The following GOLGB1 variants were observed in gnomAD, a reference collection of about 807,000 sequenced individuals.
GOLGB1 encodes golgin B1.
GOLGB1 carries 174 observed loss-of-function variants against 336.9 expected under a neutral mutation model. The ratio of observed to expected loss-of-function variants is 0.52; its 90% CI spans 0.46 to 0.59. GOLGB1 has a LOEUF of 0.59. Among genes scored for constraint, GOLGB1 ranks in the 20% least tolerant of loss-of-function variants. The probability of loss-of-function intolerance (pLI) is 0.00; values close to 1 mark genes in which losing one functional copy is unlikely to be tolerated. For synonymous variants in GOLGB1, 1,208 were observed against 1,289.2 expected (o/e 0.94, Z 1.35); for missense variants, 3,331 against 3,645.3 (o/e 0.91, Z 2.22).
Position 121,698,936 on chromosome 3 carries a change from T to A in GOLGB1, c.1594-7A>T, listed in dbSNP as rs1473885597. Reference sequence around the variant, plus strand: ...CAATATCAACAATGCTGATCTATTTTTAAAAAAGAAAAAAAAAGCTGTAAT... The same window carrying A: ...CAATATCAACAATGCTGATCTATTTATAAAAAAGAAAAAAAAAGCTGTAAT... On this transcript the variant is annotated splice_polypyrimidine_tract_variant and splice_region_variant and intron_variant, in intron 12 of 21. Transcript: ENST00000614479. 2.0e-6 allele frequency: 3 copies of A among 1,507,514 alleles called. No individual in the cohort carries two copies. The highest frequency in any genetic ancestry group is 2.7e-6 in the Non-Finnish European group (3 of 1,127,492). The allele number at this position is 1,507,514 out of a possible 1,614,324, so 93.4% of individuals were successfully genotyped here.
chr3:121,679,785 C>A lies in GOLGB1; in HGVS notation c.8873+1902G>T, dbSNP rs554733203. Among the ~76,000 whole-genome samples the A allele has an allele frequency of 1.4e-4, 21 of 152,252 alleles. No homozygotes were observed. In the South Asian group the frequency reaches 4.4e-3, roughly 32 times the overall value. On this transcript the variant is annotated intron_variant, in intron 15 of 21. Transcript: ENST00000614479. ...CTAGTGCTAAGAAGGTGCCTCTCTC[C>A]GACTGCCCCTCCTCCCCCACTCCCA...
intron 10 of GOLGB1, among the ~76,000 whole-genome samples, chr3:121,710,250 C>T (rs899389627): frequency 7.9e-5 from 12 of 151,544 alleles, no homozygotes; most frequent in African/African-American, 1.7e-4. Context: ...TTTCAAAAAC[C>T]GAAATAATAC....
chr3:121,712,918 C>T (rs1261553661), intron 10 of GOLGB1, among the ~76,000 whole-genome samples: 1 of 152,130 alleles, frequency 6.6e-6, no homozygotes, highest in African/African-American at 2.4e-5. Context: ...AATCCCAGCA[C>T]TTTGGGAGGC....
intron 1 of GOLGB1, among the ~76,000 whole-genome samples, chr3:121,748,263 C>G (rs1389990360): frequency 6.6e-6 from 1 of 152,124 alleles, no homozygotes; most frequent in East Asian, 1.9e-4. Context: ...AAACTTCATT[C>G]TTTTACGTTT....
At chr3:121,737,090 T>C (rs1449240506) in intron 1 of GOLGB1, among the ~76,000 whole-genome samples, 1 of 152,220 alleles carries the variant, frequency 6.6e-6, no homozygotes, top group African/African-American at 2.4e-5. Context: ...CATTAGAGGA[T>C]GCTTTGTGTA....
At chr3:121,729,062 AAAAAAAC>A (rs1280754734) in intron 4 of GOLGB1, 119 bp downstream of exon 4, 1 of 645,354 alleles carries the variant, frequency 1.5e-6, no homozygotes, top group Non-Finnish European at 2.6e-6. Context: ...TATAAGAAAA[AAAAAAAC>A]AAAACATTAT....
At chr3:121,745,694 G>A (rs1311625188) in intron 1 of GOLGB1, among the ~76,000 whole-genome samples, 1 of 152,112 alleles carries the variant, frequency 6.6e-6, no homozygotes. Flanking sequence ...CCAAAATAAT[G>A]AATAGCAACT....
chr3:121,740,350 CA>C (rs1452379201), intron 1 of GOLGB1, among the ~76,000 whole-genome samples: 1 of 152,120 alleles, frequency 6.6e-6, no homozygotes, highest in Non-Finnish European at 1.5e-5. Context: ...TTATTTCCTA[CA>C]ACTGCATGTG....
intron 10 of GOLGB1, among the ~76,000 whole-genome samples, chr3:121,713,958 G>A (rs750121420): frequency 3.7e-4 from 57 of 152,290 alleles, no homozygotes; most frequent in African/African-American, 8.7e-4. Flanking sequence ...TAAAGCAAAC[G>A]TGCTAAAATG....
chr3:121,676,042 T>C (rs1940328831), intron 17 of GOLGB1, among the ~76,000 whole-genome samples: 1 of 152,214 alleles, frequency 6.6e-6, no homozygotes, highest in Admixed American at 6.5e-5. Flanking sequence ...CAGACAAATC[T>C]ACCAATAAAG....
At chr3:121,708,870 A>G (rs1049435366) in intron 10 of GOLGB1, among the ~76,000 whole-genome samples, 4 of 152,206 alleles carry the variant, frequency 2.6e-5, no homozygotes, top group African/African-American at 9.6e-5. Context: ...CCTAAATCCA[A>G]TCACATCAAT....
chr3:121,677,485 A>ATTTT, intron 15 of GOLGB1, 35 bp from the exon 16 acceptor site: 1 of 1,488,102 alleles, frequency 6.7e-7, no homozygotes, highest in Non-Finnish European at 9.4e-7. Context: ...AGGTAAAAAT[A>ATTTT]TACTTGTAAC....
intron 5 of GOLGB1, 104 bp from the exon 6 acceptor site, chr3:121,722,482 A>C: frequency 3.2e-6 from 2 of 633,814 alleles, no homozygotes; most frequent in Non-Finnish European, 5.6e-6. Context: ...AATGCCTACC[A>C]TATTTCCTTC....
chr3:121,691,722 C>T lies in GOLGB1; in HGVS notation c.7642G>A (p.Val2548Met). Residue 2548 changes from valine (V) to methionine (M), a missense_variant, in exon 14 of 22, where the codon GTG (valine) becomes ATG (methionine). By Grantham distance (21) the Val-to-Met change is conservative. Transcript: ENST00000614479. ...LIQYREDLNQ[V>M]ITIKDSQQKQ... is the part of the protein sequence containing the mutation. Reference sequence around the variant, plus strand: ...TGTTGGCTGTCCTTTATTGTTATCACTTGGTTCAGGTCTTCTCTATATTGG... The same window carrying T: ...TGTTGGCTGTCCTTTATTGTTATCATTTGGTTCAGGTCTTCTCTATATTGG... 1 of 1,613,032 alleles carries T rather than the reference C, an allele frequency of 6.2e-7. No individual in the cohort carries two copies. Among genetic ancestry groups the T allele is most frequent in the Middle Eastern group, 1.6e-4 (1 of 6,062 alleles).
intron 3 of GOLGB1, 30 bp downstream of exon 3, chr3:121,729,827 ATCAAATGC>A: frequency 1.3e-6 from 2 of 1,516,430 alleles, no homozygotes; most frequent in Non-Finnish European, 1.8e-6. Flanking sequence ...TCTGTCCTTT[ATCAAATGC>A]TCCACAAGAA....
intron 17 of GOLGB1, among the ~76,000 whole-genome samples, chr3:121,671,752 C>T (rs954890133): frequency 6.6e-6 from 1 of 152,152 alleles, no homozygotes; most frequent in African/African-American, 2.4e-5. Context: ...TTCTATCAAA[C>T]CATGTATTTG....
rs2107814731 is a variant in GOLGB1 at position 121,694,402 on chromosome 3, T to C, written c.6121A>G (p.Ser2041Gly). 1 of 1,613,038 alleles carries C rather than the reference T, an allele frequency of 6.2e-7. No homozygotes were observed. Among genetic ancestry groups the C allele is most frequent in the East Asian group, 2.2e-5 (1 of 44,872 alleles). The part of the protein sequence containing the change: ...KDCIRYQEKI[S>G]ALERTVKALE... ...GCTTTAACAGTTCTCTCCAGAGCAC[T>C]AATTTTCTCTTGATACCTGATGCAG... The change falls in exon 13 of 22, where the codon AGT becomes GGT. Residue 2041 changes from serine to glycine, a missense_variant. By Grantham distance (56) the Ser-to-Gly change is moderately conservative. Coordinates refer to ENST00000614479, the MANE Select transcript of GOLGB1 (RefSeq NM_001366282.2).
chr3:121,685,585 T>C (rs1941637144), intron 14 of GOLGB1, among the ~76,000 whole-genome samples: 2 of 151,504 alleles, frequency 1.3e-5, no homozygotes, highest in African/African-American at 4.9e-5. Flanking sequence ...AAAAAGTGCA[T>C]ACACTAACAG....
At position 121,692,320 on chromosome 3, in the gene GOLGB1, C is replaced by T. The variant is rs1241151841; in HGVS notation, c.7044G>A (p.Arg2348=). Residue 2348 remains arginine (R), a synonymous_variant, in exon 14 of 22, where the codon AGG becomes AGA. Transcript: ENST00000614479. Reference sequence around the variant, plus strand: ...AATTTTGAATATCAGCCTCTTGCTGCCTTATGATCCCTTCCAAGTTTCCTT... The same window carrying T: ...AATTTTGAATATCAGCCTCTTGCTGTCTTATGATCCCTTCCAAGTTTCCTT... The part of the protein sequence containing the change: ...EQKGNLEGII[R]QQEADIQNSK... 1 of 1,608,890 alleles carries T rather than the reference C, an allele frequency of 6.2e-7. No homozygotes were observed. The highest frequency in any genetic ancestry group is 8.5e-7 in the Non-Finnish European group (1 of 1,178,652).
Sources: gnomAD v4.1 joint callset for allele counts (sites outside exome capture counted in the v4.1 genomes callset) on GRCh38, gnomAD v4.1.1 for gene constraint, MANE v1.5 for transcripts, NCBI Gene and HGNC (gene_info 2026-07-23, HGNC 2026-07-21) for gene names.